TM2D1: variants seen among roughly 807,000 people sequenced by gnomAD.
TM2D1 encodes the protein TM2 domain-containing protein 1.
A neutral mutation model predicts 28.4 loss-of-function variants in TM2D1; 15 were observed. The observed-to-expected ratio is 0.53, with a 90% CI of 0.35 to 0.81. The LOEUF (loss-of-function observed/expected upper bound fraction) is 0.81, where lower values mean the gene tolerates loss of function less well. TM2D1 is among the 40% of genes least tolerant of loss of function. TM2D1 has a pLI of 0.01. For synonymous variants in TM2D1, 93 were observed against 96.2 expected (o/e 0.97, Z 0.20); for missense variants, 236 against 254.9 (o/e 0.93, Z 0.50).
chr1:61,691,932 A>AAAAAAAAAAATATATATATATATATATAT, intron 5 of TM2D1, among the ~76,000 whole-genome samples: 1 of 76,414 alleles, frequency 1.3e-5, no homozygotes, highest in Non-Finnish European at 2.6e-5. Flanking sequence ...AAAAAAAAAA[A>AAAAAAAAAAATATATATATATATATATAT]ATATATATAT....
chr1:61,705,142 A>C (rs17122684), intron 3 of TM2D1, among the ~76,000 whole-genome samples: 6,005 of 152,242 alleles, frequency 0.039, 347 homozygotes, highest in African/African-American at 0.13. Flanking sequence ...ATGTAAGTAA[A>C]TCACCCTAAA....
Position 61,700,954 on chromosome 1 carries a change from T to C in TM2D1, c.419A>G (p.Tyr140Cys). 1.9e-6 allele frequency: 3 copies of C among 1,610,666 alleles called. No homozygotes were observed. Among genetic ancestry groups the C allele is most frequent in the Non-Finnish European group, 2.5e-6 (3 of 1,178,586 alleles). ...FLGWLGADRF[Y>C]LGYPALGLLK... ...CGCACCCAAAGCAGGGTATCCAAGG[T>C]AAAATCGATCTGCTCCCAACCATCC... Residue 140 changes from tyrosine to cysteine, a missense_variant, in exon 4 of 7, where the codon TAC (tyrosine) becomes TGC (cysteine). Physicochemically the swap from Tyr to Cys is radical, Grantham distance 194. Around this residue, in one of 3 missense-constraint regions of TM2D1, gnomAD observed 5 missense variants for 19.0 expected, o/e 0.26. Transcript: ENST00000606498.
chr1:61,699,999 C>A, intron 4 of TM2D1: 1 of 831,320 alleles, frequency 1.2e-6, no homozygotes, highest in Non-Finnish European at 1.6e-6. Flanking sequence ...GTTAGCTTTG[C>A]TAGCTAGTAG....
chr1:61,692,573 G>A (rs1267870903), intron 5 of TM2D1, among the ~76,000 whole-genome samples: 1 of 152,018 alleles, frequency 6.6e-6, no homozygotes, highest in Non-Finnish European at 1.5e-5. Context: ...GTCATGGCAA[G>A]AATGGGGAAG....
chr1:61,709,440 G>A lies in TM2D1; in HGVS notation c.239-3C>T. On this transcript the variant is annotated splice_region_variant and splice_polypyrimidine_tract_variant and intron_variant, in intron 2 of 6. Coordinates refer to ENST00000606498, the MANE Select transcript of TM2D1 (RefSeq NM_032027.3). ...GTTGGGTGCTGGAAAACAGGAAACT[G>A]AAGGCAGAAAAAGTCAAGAAACTGT... The A allele has an allele frequency of 1.2e-6, 2 of 1,600,284 alleles. No individual in the cohort carries two copies. The highest frequency in any genetic ancestry group is 1.7e-6 in the Non-Finnish European group (2 of 1,169,388).
At chr1:61,683,249 A>G in intron 6 of TM2D1, 168 bp downstream of exon 6, 1 of 295,996 alleles carries the variant, frequency 3.4e-6, no homozygotes, top group Non-Finnish European at 6.2e-6. Flanking sequence ...CGAAGGAGCC[A>G]TGAGCGTGGA....
intron 4 of TM2D1, among the ~76,000 whole-genome samples, 159 bp downstream of exon 4, chr1:61,700,775 G>A (rs1644395117): frequency 6.6e-6 from 1 of 151,932 alleles, no homozygotes; most frequent in South Asian, 2.1e-4. Context: ...TGAACTGTTG[G>A]GCTAATTGAT....
At chr1:61,701,975 A>G (rs544811191) in intron 3 of TM2D1, among the ~76,000 whole-genome samples, 1 of 152,218 alleles carries the variant, frequency 6.6e-6, no homozygotes, top group Non-Finnish European at 1.5e-5. Flanking sequence ...TGGATCACTG[A>G]GGTCAGGAGT....
chr1:61,705,587 G>C (rs138270034), intron 3 of TM2D1, among the ~76,000 whole-genome samples: 87 of 152,294 alleles, frequency 5.7e-4, no homozygotes, highest in African/African-American at 2.0e-3. Context: ...GAAGGAAGAT[G>C]TAAGTGTACA....
chr1:61,702,707 G>A (rs1395517838), intron 3 of TM2D1, among the ~76,000 whole-genome samples: 1 of 151,248 alleles, frequency 6.6e-6, no homozygotes, highest in Admixed American at 6.6e-5. Context: ...TATATATAAA[G>A]ATAGTTAATA....
At chr1:61,687,639 G>A (rs1644293358) in intron 5 of TM2D1, among the ~76,000 whole-genome samples, 1 of 152,054 alleles carries the variant, frequency 6.6e-6, no homozygotes, top group Non-Finnish European at 1.5e-5. Flanking sequence ...CATTGTCAGT[G>A]AAGTCATGTT....
At chr1:61,724,131 G>A (rs1466933179) in intron 1 of TM2D1, among the ~76,000 whole-genome samples, 1 of 152,084 alleles carries the variant, frequency 6.6e-6, no homozygotes, top group East Asian at 1.9e-4. Context: ...GTTCAAATAG[G>A]TCACCCAAGG....
intron 5 of TM2D1, among the ~76,000 whole-genome samples, chr1:61,685,855 A>T (rs766683618): frequency 3.3e-5 from 5 of 152,168 alleles, no homozygotes; most frequent in Middle Eastern, 3.2e-3. Flanking sequence ...AAAAAATGAA[A>T]ATAAAATATT....
At chr1:61,696,656 T>C (rs1644365255) in intron 4 of TM2D1, among the ~76,000 whole-genome samples, 1 of 152,174 alleles carries the variant, frequency 6.6e-6, no homozygotes, top group Admixed American at 6.5e-5. Flanking sequence ...CATCAGGGCT[T>C]TGGCTTTTTT....
chr1:61,717,265 G>A (rs1046983567), intron 2 of TM2D1, among the ~76,000 whole-genome samples: 1 of 151,962 alleles, frequency 6.6e-6, no homozygotes, highest in Non-Finnish European at 1.5e-5. Flanking sequence ...CTACTTGGGA[G>A]GCTGAGGCTG....
intron 5 of TM2D1, among the ~76,000 whole-genome samples, chr1:61,690,424 T>C (rs1644315015): frequency 8.5e-6 from 1 of 117,418 alleles, no homozygotes. Flanking sequence ...GCCACTGTAC[T>C]CCAGCCTGAG....
At chr1:61,724,239 C>T (rs538954242) in intron 1 of TM2D1, 1 of 152,536 alleles carries the variant, frequency 6.6e-6, no homozygotes, top group African/African-American at 2.4e-5. Context: ...CAAGACCAGC[C>T]TGGCCAACAT....
rs572269100 is a variant in TM2D1, at chr1:61,724,840, A to G, written c.164+117T>C. 336 of 1,156,158 alleles carry G rather than the reference A, an allele frequency of 2.9e-4. 1 individual carries two copies. The African/African-American group carries it at 4.8e-3, about 17-fold the overall frequency. 71.6% of individuals were successfully genotyped at this position (1,156,158 alleles called of 1,614,324 possible). A position where few individuals can be genotyped will look rare whatever the true frequency, so the allele number is the denominator to read the frequency against. On this transcript the variant is annotated intron_variant, in intron 1 of 6. Transcript: ENST00000606498. Reference sequence around the variant, plus strand: ...AGGGATCCTTCAGTCATTAGAAGCCACAGATCAGATTATCGTTTTCACTCA... The same window carrying G: ...AGGGATCCTTCAGTCATTAGAAGCCGCAGATCAGATTATCGTTTTCACTCA...
intron 5 of TM2D1, among the ~76,000 whole-genome samples, chr1:61,690,456 C>CAAAAAAAAAAAAAAAAAAAAAAACAAA (rs1644315488): frequency 1.7e-5 from 1 of 60,048 alleles, no homozygotes; most frequent in African/African-American, 6.4e-5. Context: ...GACTCAGTCT[C>CAAAAAAAAAAAAAAAAAAAAAAACAAA]AAAAAAAAAA....
Sources: allele counts gnomAD v4.1 joint callset (sites outside exome capture counted in the v4.1 genomes callset), GRCh38; gene constraint gnomAD v4.1.1; regional missense constraint gnomAD v4.1.1; transcripts MANE v1.5; gene names NCBI Gene and HGNC (gene_info 2026-07-23, HGNC 2026-07-21).